Variants in FRMPD3 observed in about 807,000 individuals in gnomAD.
FRMPD3 encodes the protein FERM and PDZ domain-containing protein 3.
FRMPD3 carries 42 observed loss-of-function variants against 97.9 expected under a neutral mutation model. The observed-to-expected ratio is 0.43, with a 90% CI of 0.34 to 0.55. FRMPD3 has a LOEUF of 0.55. FRMPD3 is among the 20% of genes least tolerant of loss of function. The pLI is 0.03. For synonymous variants in FRMPD3, 577 were observed against 581.1 expected (o/e 0.99, Z 0.10); for missense variants, 1,303 against 1,457.7 (o/e 0.89, Z 1.73).
chrX:107,456,842 A>G (rs958480163), intron 1 of FRMPD3, among the ~76,000 whole-genome samples: 1 of 112,063 alleles, frequency 8.9e-6, no homozygotes, highest in African/African-American at 3.2e-5. Flanking sequence ...TATATTTTCT[A>G]TAAATGGAAG....
intron 13 of FRMPD3, among the ~76,000 whole-genome samples, chrX:107,586,272 T>C (rs914864852): frequency 8.9e-6 from 1 of 112,177 alleles, no homozygotes; most frequent in Non-Finnish European, 1.9e-5. Context: ...TGTATTTCTG[T>C]GGGGTCAGTA....
intron 13 of FRMPD3, among the ~76,000 whole-genome samples, chrX:107,590,217 G>A (rs1178715579): frequency 8.9e-6 from 1 of 112,444 alleles, no homozygotes; most frequent in Admixed American, 9.4e-5. Flanking sequence ...GCAAGAGATA[G>A]TTTTACTTTT....
chrX:107,465,854 C>T (rs17320032), intron 1 of FRMPD3, among the ~76,000 whole-genome samples: 2,897 of 109,955 alleles, frequency 0.026, 40 homozygotes, highest in Non-Finnish European at 0.042. Flanking sequence ...AAATACTGGT[C>T]CTTTAAGCTG....
intron 1 of FRMPD3, among the ~76,000 whole-genome samples, chrX:107,516,675 T>C (rs1468146221): frequency 1.8e-5 from 2 of 111,875 alleles, no homozygotes; most frequent in Non-Finnish European, 3.8e-5. Context: ...AAATGTCTTC[T>C]TTTGAGAAGC....
At chrX:107,565,087 C>A (rs766976058) in intron 12 of FRMPD3, 21 bp downstream of exon 12, 1 of 1,144,498 alleles carries the variant, frequency 8.7e-7, no homozygotes, top group Admixed American at 2.7e-5. Flanking sequence ...CTTTGAGGGC[C>A]TCCTTCTGTT....
chrX:107,501,351 C>T (rs1478788972), intron 1 of FRMPD3, among the ~76,000 whole-genome samples: 1 of 85,826 alleles, frequency 1.2e-5, no homozygotes, highest in Non-Finnish European at 2.2e-5. Context: ...CTCTTGTCTC[C>T]TATTTTTTTT....
intron 1 of FRMPD3, among the ~76,000 whole-genome samples, chrX:107,509,500 T>C (rs1295593253): frequency 8.9e-6 from 1 of 112,148 alleles, no homozygotes; most frequent in Non-Finnish European, 1.9e-5. Context: ...AGTCAGTGGG[T>C]AGCATTACTC....
At chrX:107,578,457 A>G (rs936568606) in intron 13 of FRMPD3, among the ~76,000 whole-genome samples, 2 of 111,434 alleles carry the variant, frequency 1.8e-5, no homozygotes, top group Non-Finnish European at 3.8e-5. Flanking sequence ...TGCATTCTCT[A>G]TGGGCTAGGT....
rs149328166 is a variant in FRMPD3, at chrX:107,596,134, T to C, written c.1442-1187T>C. 2.4e-3 allele frequency among the ~76,000 whole-genome samples: 267 copies of C among 111,060 alleles called. 1 individual carries two copies. The highest frequency in any genetic ancestry group is 8.0e-3 in the African/African-American group (244 of 30,529). On this transcript the variant is annotated intron_variant, in intron 13 of 14. Transcript: ENST00000683843. The stretch of plus-strand genomic sequence containing the variant: ...TCTAGTGAAAGGCAACACTGGCATA[T>C]TGACTCTGTCAAACTGGAGTTTGAG...
intron 8 of FRMPD3, chrX:107,554,964 A>G (rs1398439514): frequency 8.1e-6 from 1 of 123,444 alleles, no homozygotes; most frequent in East Asian, 2.2e-4. Flanking sequence ...GGCTCACTAG[A>G]GCTTATATGT....
chrX:107,576,510 C>A (rs930603540), intron 13 of FRMPD3, 51 bp downstream of exon 13: 27 of 1,166,761 alleles, frequency 2.3e-5, no homozygotes, highest in Non-Finnish European at 3.0e-5. Flanking sequence ...CCTTTGGACC[C>A]TGAAGACATG....
chrX:107,562,590 TGCTGGCTCTCACATGAG>T (rs1313761970), intron 10 of FRMPD3, among the ~76,000 whole-genome samples: 1 of 111,780 alleles, frequency 8.9e-6, no homozygotes, highest in Non-Finnish European at 1.9e-5. Flanking sequence ...ATCTGGTAAC[TGCTGGCTCTCACATGAG>T]GCGATTAAGG....
At position 107,491,204 on chromosome X, in the gene FRMPD3, G is replaced by A. The variant is rs181203278; in HGVS notation, c.-7-35378G>A. Among the ~76,000 whole-genome samples the A allele has an allele frequency of 1.1e-4, 12 of 112,059 alleles. No individual in the cohort carries two copies. In the East Asian group the frequency reaches 2.8e-3, roughly 26 times the overall value. On this transcript the variant is annotated intron_variant, in intron 1 of 14. Coordinates refer to ENST00000683843, the MANE Select transcript of FRMPD3 (RefSeq NM_001388459.1). ...CAATAACAGCAACATCATCACTGTT[G>A]TCGTGCTTGTTGTCATAATGTCATC...
intron 8 of FRMPD3, among the ~76,000 whole-genome samples, chrX:107,560,046 T>C (rs1036054425): frequency 6.6e-5 from 7 of 106,626 alleles, no homozygotes; most frequent in Non-Finnish European, 1.3e-4. Flanking sequence ...CTGAGAAGGC[T>C]ATCTAGTATC....
intron 1 of FRMPD3, among the ~76,000 whole-genome samples, chrX:107,516,780 T>G (rs1449080918): frequency 1.8e-5 from 2 of 110,500 alleles, no homozygotes; most frequent in East Asian, 5.7e-4. Flanking sequence ...ATATTAGCCC[T>G]TTGTCAGATG....
At chrX:107,537,466 G>A (rs1215411721) in intron 4 of FRMPD3, among the ~76,000 whole-genome samples, 2 of 111,787 alleles carry the variant, frequency 1.8e-5, no homozygotes, top group African/African-American at 6.5e-5. Context: ...AAGTGGACGA[G>A]TACACACACA....
intron 8 of FRMPD3, among the ~76,000 whole-genome samples, chrX:107,555,838 G>A (rs1156238052): frequency 4.5e-5 from 5 of 111,943 alleles, no homozygotes; most frequent in Non-Finnish European, 7.5e-5. Context: ...CAGTGCTAAG[G>A]AAGTACACCA....
chrX:107,480,868 A>AAAGG (rs201864947), intron 1 of FRMPD3, among the ~76,000 whole-genome samples: 3,134 of 66,515 alleles, frequency 0.047, 151 homozygotes, highest in African/African-American at 0.05. Context: ...GGAAAGAAAG[A>AAAGG]AAGGAAGGAA....
intron 4 of FRMPD3, among the ~76,000 whole-genome samples, chrX:107,537,016 A>G (rs777724092): frequency 2.5e-4 from 28 of 111,066 alleles, no homozygotes; most frequent in Non-Finnish European, 4.0e-4. Context: ...ACTCACCCCA[A>G]TCTCTATCTC....
Sources: gnomAD v4.1 joint callset for allele counts (sites outside exome capture counted in the v4.1 genomes callset) on GRCh38, gnomAD v4.1.1 for gene constraint, MANE v1.5 for transcripts, NCBI Gene and HGNC (gene_info 2026-07-23, HGNC 2026-07-21) for gene names.